TP53BP1: variants seen among roughly 807,000 people sequenced by gnomAD.
TP53BP1 encodes TP53-binding protein 1.
A neutral mutation model predicts 200.8 loss-of-function variants in TP53BP1; 61 were observed. The observed-to-expected ratio is 0.30, with a 90% CI of 0.25 to 0.38. The LOEUF is 0.38. TP53BP1 is among the 10% of genes least tolerant of loss of function. The pLI is 1.00. For synonymous variants in TP53BP1, 822 were observed against 844.3 expected (o/e 0.97, Z 0.46); for missense variants, 2,144 against 2,371.9 (o/e 0.90, Z 2.00).
chr15:43,429,061 G>A (rs1390958784), intron 17 of TP53BP1, among the ~76,000 whole-genome samples: 1 of 152,092 alleles, frequency 6.6e-6, no homozygotes, highest in Non-Finnish European at 1.5e-5. Flanking sequence ...AACAACTACT[G>A]CTATTCAAAA....
intron 4 of TP53BP1, 144 bp downstream of exon 4, chr15:43,491,525 T>C (rs1438867565): frequency 5.7e-6 from 4 of 701,100 alleles, no homozygotes; most frequent in Middle Eastern, 2.5e-4. Context: ...ACTATTACAA[T>C]ACTATCTAAT....
chr15:43,454,226 C>T (rs1272570069), intron 12 of TP53BP1, among the ~76,000 whole-genome samples: 1 of 151,958 alleles, frequency 6.6e-6, no homozygotes, highest in African/African-American at 2.4e-5. Context: ...GACTGTTCTA[C>T]GCAAACCAAA....
intron 17 of TP53BP1, 139 bp downstream of exon 17, chr15:43,432,055 G>A (rs2045683044): frequency 5.9e-6 from 7 of 1,196,182 alleles, no homozygotes; most frequent in Non-Finnish European, 8.1e-6. Context: ...TCTTAGAAAA[G>A]TTGTTTTTGT....
At chr15:43,444,916 G>A (rs756827327) in intron 14 of TP53BP1, among the ~76,000 whole-genome samples, 2 of 151,968 alleles carry the variant, frequency 1.3e-5, no homozygotes, top group Admixed American at 6.6e-5. Flanking sequence ...ATTTATGCTG[G>A]AGGTTGCAAA....
At chr15:43,442,082 ATTTTTTTTTTT>A (rs1158826286) in intron 14 of TP53BP1, among the ~76,000 whole-genome samples, 2 of 123,538 alleles carry the variant, frequency 1.6e-5, no homozygotes, top group Non-Finnish European at 3.5e-5. Context: ...ATTTGTTTTA[ATTTTTTTTTTT>A]TTTTTTTTTT....
chr15:43,456,663 G>T lies in TP53BP1; in HGVS notation c.1945C>A (p.Gln649Lys), dbSNP rs1290257059. The T allele has an allele frequency of 3.7e-6, 6 of 1,614,082 alleles. No homozygotes were observed. Among genetic ancestry groups the T allele is most frequent in the Non-Finnish European group, 5.1e-6 (6 of 1,180,028 alleles). ...TCTTTAATTTCCATAGCTTCCTCCT[G>T]ATCTAACACACTAGAAAGTGCCTCA... ...RSEALSSVLD[Q>K]EEAMEIKEHH... is the part of the protein sequence containing the mutation. Residue 649 changes from glutamine (Q) to lysine (K), a missense_variant, in exon 12 of 28, where the codon CAG becomes AAG. This residue lies in a region of TP53BP1 where 1,700 missense variants were observed against 1,710.3 expected (regional missense o/e 0.99). Coordinates refer to ENST00000382044, the MANE Select transcript of TP53BP1 (RefSeq NM_001141980.3).
chr15:43,480,833 T>C, intron 5 of TP53BP1, 62 bp downstream of exon 5: 1 of 1,578,274 alleles, frequency 6.3e-7, no homozygotes, highest in Non-Finnish European at 8.7e-7. Flanking sequence ...TTTAGACATC[T>C]GCACAATCAT....
chr15:43,409,722 A>G lies in TP53BP1; in HGVS notation c.5325T>C (p.Pro1775=). The G allele has an allele frequency of 6.4e-7, 1 of 1,552,386 alleles. No homozygotes were observed. Among genetic ancestry groups the G allele is most frequent in the Non-Finnish European group, 8.7e-7 (1 of 1,150,742 alleles). The change falls in exon 25 of 28, where the codon CCT becomes CCC. Residue 1775 remains proline (P), a synonymous_variant. Coordinates refer to ENST00000382044, the MANE Select transcript of TP53BP1 (RefSeq NM_001141980.3). ...GGGATTCTGTATACTGCTTGTTGAA[A>G]GGAGGAATTTCCAAAAATTCTATAT... The part of the protein sequence containing the change: ...EEEEEFLEIP[P]FNKQYTESQL...
At chr15:43,487,717 C>G (rs143431062) in intron 4 of TP53BP1, among the ~76,000 whole-genome samples, 7 of 151,386 alleles carry the variant, frequency 4.6e-5, no homozygotes, top group African/African-American at 1.7e-4. Context: ...CACTTAAACC[C>G]TGGAGTGGAG....
chr15:43,491,883 G>C, intron 3 of TP53BP1, 119 bp downstream of exon 3: 1 of 1,071,424 alleles, frequency 9.3e-7, no homozygotes, highest in East Asian at 2.4e-5. Context: ...CTACTACGCA[G>C]ATACCACAGT....
chr15:43,414,220 T>G, intron 23 of TP53BP1: 1 of 421,554 alleles, frequency 2.4e-6, no homozygotes, highest in Non-Finnish European at 4.9e-6. Context: ...GAATCCTGGC[T>G]TACTTTGTCA....
intron 16 of TP53BP1, among the ~76,000 whole-genome samples, chr15:43,433,940 C>G (rs1315994051): frequency 1.3e-5 from 2 of 152,166 alleles, no homozygotes; most frequent in African/African-American, 4.8e-5. Flanking sequence ...GCAGGAAGTG[C>G]TCTTCAGGGA....
chr15:43,493,337 G>T (rs971504088), upstream of TP53BP1, among the ~76,000 whole-genome samples: 4 of 152,162 alleles, frequency 2.6e-5, no homozygotes, highest in Non-Finnish European at 4.4e-5. Flanking sequence ...CTTTAGTAGA[G>T]CCGGAGAATG....
At chr15:43,439,489 T>C (rs2143001526) in intron 15 of TP53BP1, among the ~76,000 whole-genome samples, 1 of 152,242 alleles carries the variant, frequency 6.6e-6, no homozygotes, top group Non-Finnish European at 1.5e-5. Flanking sequence ...TGAACTGTGA[T>C]TGCACCACTG....
intron 4 of TP53BP1, among the ~76,000 whole-genome samples, chr15:43,487,056 T>C (rs1347957512): frequency 6.6e-6 from 1 of 152,026 alleles, no homozygotes; most frequent in African/African-American, 2.4e-5. Flanking sequence ...GAGAAAATAT[T>C]TGCAAAATAC....
chr15:43,407,769 AT>A, intron 27 of TP53BP1, 173 bp downstream of exon 27: 1 of 786,072 alleles, frequency 1.3e-6, no homozygotes, highest in Non-Finnish European at 2.0e-6. Context: ...TTTAACAAAT[AT>A]ACGTCCAGTG....
intron 11 of TP53BP1, among the ~76,000 whole-genome samples, chr15:43,460,404 G>A (rs991697993): frequency 6.6e-6 from 1 of 152,092 alleles, no homozygotes; most frequent in Admixed American, 6.5e-5. Flanking sequence ...GGAACTACAG[G>A]TGCGCACCAC....
Position 43,404,371 on chromosome 15 carries a change from G to A in TP53BP1, c.*3012C>T. 6.2e-7 allele frequency: 1 copy of A among 1,611,360 alleles called. No homozygotes were observed. ...CCCCCATCCTCCATATGGAGAGTTGGTGAGCTGAAGTGGAATGACAGCTGA... is the reference window on the plus strand; with the variant it reads ...CCCCCATCCTCCATATGGAGAGTTGATGAGCTGAAGTGGAATGACAGCTGA... On this transcript the variant is annotated 3_prime_UTR_variant, in exon 28 of 28. Coordinates refer to ENST00000382044, the MANE Select transcript of TP53BP1 (RefSeq NM_001141980.3).
upstream of TP53BP1, among the ~76,000 whole-genome samples, chr15:43,493,639 C>G (rs1020408484): frequency 6.6e-6 from 1 of 152,134 alleles, no homozygotes; most frequent in Non-Finnish European, 1.5e-5. Flanking sequence ...CTGTGTCAAT[C>G]AGGATCCCTT....
Sources: allele counts gnomAD v4.1 joint callset (sites outside exome capture counted in the v4.1 genomes callset), GRCh38; gene constraint gnomAD v4.1.1; regional missense constraint gnomAD v4.1.1; transcripts MANE v1.5; gene names NCBI Gene and HGNC (gene_info 2026-07-23, HGNC 2026-07-21).